PXDNL: variants seen among roughly 807,000 people sequenced by gnomAD.
PXDNL encodes probable oxidoreductase PXDNL.
PXDNL carries 145 observed loss-of-function variants against 150.8 expected under a neutral mutation model. The observed-to-expected ratio is 0.96, with a 90% CI of 0.84 to 1.10. The LOEUF (loss-of-function observed/expected upper bound fraction) is 1.10, where lower values mean the gene tolerates loss of function less well. PXDNL is among the 50% of genes least tolerant of loss of function. The probability of loss-of-function intolerance (pLI) is 0.00; values close to 1 mark genes in which losing one functional copy is unlikely to be tolerated. For missense variants in PXDNL, 2,087 were observed against 1,873.9 expected, an observed-to-expected ratio of 1.11 and a Z score of -2.10; for synonymous variants, 757 against 725.7, an observed-to-expected ratio of 1.04 and a Z score of -0.69.
intron 12 of PXDNL, among the ~76,000 whole-genome samples, chr8:51,437,881 G>A (rs148431807): frequency 6.6e-6 from 1 of 152,132 alleles, no homozygotes; most frequent in Non-Finnish European, 1.5e-5. Flanking sequence ...ACTGTTTGCT[G>A]ATGATATGAT....
intron 19 of PXDNL, among the ~76,000 whole-genome samples, chr8:51,357,846 C>A (rs1318904575): frequency 6.6e-6 from 1 of 152,106 alleles, no homozygotes; most frequent in East Asian, 1.9e-4. Context: ...CACAACATAC[C>A]TTTAAAGCTA....
intron 8 of PXDNL, among the ~76,000 whole-genome samples, chr8:51,459,498 C>T (rs183788270): frequency 1.2e-4 from 19 of 152,278 alleles, no homozygotes; most frequent in Non-Finnish European, 2.5e-4. Flanking sequence ...CAATAGAATT[C>T]ACCAGGATTC....
At chr8:51,447,281 T>G in intron 11 of PXDNL, 119 bp from the exon 12 acceptor site, 2 of 1,001,550 alleles carry the variant, frequency 2.0e-6, no homozygotes, top group Non-Finnish European at 2.9e-6. Context: ...TGCTAGGGTG[T>G]ACTGTGTGCG....
At chr8:51,786,031 T>C (rs910549222) in intron 1 of PXDNL, among the ~76,000 whole-genome samples, 4 of 152,046 alleles carry the variant, frequency 2.6e-5, no homozygotes, top group Non-Finnish European at 5.9e-5. Context: ...GATGGCAGAA[T>C]AGAAGACTCC....
chr8:51,616,085 G>A (rs1012023821), intron 2 of PXDNL, among the ~76,000 whole-genome samples: 2 of 152,230 alleles, frequency 1.3e-5, no homozygotes, highest in African/African-American at 4.8e-5. Flanking sequence ...GGCAGGTGGG[G>A]TGGAGCCCAT....
chr8:51,457,564 T>C lies in PXDNL; in HGVS notation c.916A>G (p.Met306Val), dbSNP rs781250608. The change falls in exon 9 of 23, where the codon ATG (methionine) becomes GTG (valine). Residue 306 changes from methionine to valine, a missense_variant. Transcript: ENST00000356297. ...RESDQGVYQCMARNSAGEAKT... is the reference protein window; with the variant it reads ...RESDQGVYQCVARNSAGEAKT... ...GCTTCCCCAGCGGAATTTCTGGCCA[T>C]GCACTGATAGACACCTTGGTCTGAC... The C allele has an allele frequency of 6.2e-7, 1 of 1,613,818 alleles. No homozygotes were observed. Among genetic ancestry groups the C allele is most frequent in the Admixed American group, 1.7e-5 (1 of 60,014 alleles).
chr8:51,566,846 T>C (rs866644647), intron 3 of PXDNL, among the ~76,000 whole-genome samples: 5 of 151,532 alleles, frequency 3.3e-5, no homozygotes, highest in Admixed American at 6.6e-5. Flanking sequence ...TATATTGCTT[T>C]TTTTTCTCTT....
At chr8:51,360,310 C>T (rs1207432182) in intron 19 of PXDNL, among the ~76,000 whole-genome samples, 2 of 152,198 alleles carry the variant, frequency 1.3e-5, no homozygotes, top group African/African-American at 4.8e-5. Flanking sequence ...CATGTGCATG[C>T]TTACACATGT....
In PXDNL at chr8:51,320,099, T is replaced by C. The variant is rs945735406; in HGVS notation, c.4261-77A>G. The stretch of plus-strand genomic sequence containing the variant: ...TTAAAAGACAAATAAATGTTTCTTA[T>C]AATACATAATCTAATAAGCTGACTG... On this transcript the variant is annotated intron_variant, in intron 22 of 22. Coordinates refer to ENST00000356297, the MANE Select transcript of PXDNL (RefSeq NM_144651.5). 3.2e-5 allele frequency: 38 copies of C among 1,171,376 alleles called. No homozygotes were observed. In the African/African-American group the frequency reaches 6.1e-4, roughly 19 times the overall value. 72.6% of individuals were successfully genotyped at this position (1,171,376 alleles called of 1,614,324 possible).
At chr8:51,390,151 C>G (rs1445823949) in intron 17 of PXDNL, among the ~76,000 whole-genome samples, 1 of 152,030 alleles carries the variant, frequency 6.6e-6, no homozygotes, top group Non-Finnish European at 1.5e-5. Flanking sequence ...CCAAACTATC[C>G]AAATGTTGCA....
chr8:51,369,556 TAC>T (rs1807029728), intron 19 of PXDNL, among the ~76,000 whole-genome samples: 1 of 152,302 alleles, frequency 6.6e-6, no homozygotes. Context: ...TGGTTCTCAT[TAC>T]AAACATTACA....
At chr8:51,809,041 T>G in intron 1 of PXDNL, 140 bp downstream of exon 1, 1 of 818,380 alleles carries the variant, frequency 1.2e-6, no homozygotes, top group South Asian at 1.7e-5. Flanking sequence ...ACCATGAAAT[T>G]GTTTGAAAAG....
intron 4 of PXDNL, among the ~76,000 whole-genome samples, chr8:51,544,871 A>T (rs1812321072): frequency 6.6e-6 from 1 of 151,972 alleles, no homozygotes; most frequent in Non-Finnish European, 1.5e-5. Flanking sequence ...TTTAAAATGG[A>T]TGATGTACAA....
At chr8:51,794,038 C>A (rs2037538724) in intron 1 of PXDNL, among the ~76,000 whole-genome samples, 2 of 151,792 alleles carry the variant, frequency 1.3e-5, no homozygotes, top group African/African-American at 2.4e-5. Context: ...GTATCATTAA[C>A]CGAATAGACC....
intron 19 of PXDNL, among the ~76,000 whole-genome samples, chr8:51,350,339 T>G (rs200198183): frequency 9.1e-6 from 1 of 109,910 alleles, no homozygotes; most frequent in Admixed American, 1.0e-4. Context: ...AGTCTTTTAT[T>G]AGCAAATGCA....
chr8:51,655,423 T>C (rs1317647733), intron 1 of PXDNL, among the ~76,000 whole-genome samples: 2 of 152,096 alleles, frequency 1.3e-5, no homozygotes, highest in African/African-American at 4.8e-5. Context: ...TGAGCACAGA[T>C]AGTTCAGTGG....
chr8:51,649,954 T>G lies in PXDNL; in HGVS notation c.236+4735A>C, dbSNP rs144291436. Among the ~76,000 whole-genome samples, 900 of 151,850 alleles carry G rather than the reference T, an allele frequency of 5.9e-3. 12 individuals are homozygous for G. Among genetic ancestry groups the G allele is most frequent in the African/African-American group, 0.02 (829 of 41,388 alleles). On this transcript the variant is annotated intron_variant, in intron 2 of 22. Transcript: ENST00000356297. ...TCATCTCTACTAAAAATACAAAAAA[T>G]TGGCTAGGTGTGCTGGTGCATGCCT...
At chr8:51,703,934 ATCTGTGTTTTAG>A in intron 1 of PXDNL, among the ~76,000 whole-genome samples, 1 of 152,238 alleles carries the variant, frequency 6.6e-6, no homozygotes, top group South Asian at 2.1e-4. Context: ...TTTTTATTTT[ATCTGTGTTTTAG>A]TTGGGAAAAA....
At chr8:51,509,316 C>T (rs1212808439) in intron 4 of PXDNL, among the ~76,000 whole-genome samples, 1 of 152,090 alleles carries the variant, frequency 6.6e-6, no homozygotes, top group Non-Finnish European at 1.5e-5. Flanking sequence ...ATCAGAGTGA[C>T]CATTATAAGG....
Sources: gnomAD v4.1 joint callset for allele counts (sites outside exome capture counted in the v4.1 genomes callset) on GRCh38, gnomAD v4.1.1 for gene constraint, MANE v1.5 for transcripts, NCBI Gene and HGNC (gene_info 2026-07-23, HGNC 2026-07-21) for gene names.